Variants in RHOH observed in about 807,000 individuals in gnomAD.
The protein encoded by RHOH is ras homolog family member H.
In RHOH, 6 loss-of-function variants were observed where a neutral mutation model predicts 13.8. The observed-to-expected ratio is 0.44, with a 90% CI of 0.24 to 0.86. The LOEUF is 0.86. Ranked by LOEUF, RHOH falls within the 40% of genes least tolerant of loss-of-function variation. The pLI is 0.24. For missense variants in RHOH, 147 were observed against 244.5 expected (o/e 0.60, Z 2.66); for synonymous variants, 117 against 103.0 (o/e 1.14, Z -0.82).
intron 1 of RHOH, among the ~76,000 whole-genome samples, chr4:40,211,547 G>A (rs1356026056): frequency 6.6e-6 from 1 of 152,080 alleles, no homozygotes; most frequent in Non-Finnish European, 1.5e-5. Context: ...GTGTAATGTT[G>A]ATTATTTTTA....
At chr4:40,194,980 T>C (rs6824632), upstream of RHOH, among the ~76,000 whole-genome samples, 8,280 of 152,196 alleles carry the variant, frequency 0.054, 254 homozygotes, top group Middle Eastern at 0.085. Flanking sequence ...CAGGAAGACC[T>C]CATGATTCTG....
intron 1 of RHOH, among the ~76,000 whole-genome samples, chr4:40,205,049 G>A (rs1048563036): frequency 6.6e-6 from 1 of 152,152 alleles, no homozygotes; most frequent in Non-Finnish European, 1.5e-5. Flanking sequence ...GATCATCTGA[G>A]GTCAGGAGTT....
chr4:40,219,137 C>T (rs983171781), intron 1 of RHOH, among the ~76,000 whole-genome samples: 6 of 151,902 alleles, frequency 3.9e-5, no homozygotes, highest in African/African-American at 7.3e-5. Context: ...TGTGGCTGGG[C>T]GCGGTGGCTC....
rs1470650870 is a variant in RHOH, at chr4:40,244,993, T to A, written c.*1031T>A. 6.5e-6 allele frequency: 1 copy of A among 153,308 alleles called. No individual in the cohort carries two copies. Among genetic ancestry groups the A allele is most frequent in the African/African-American group, 2.4e-5 (1 of 41,422 alleles). The allele number at this position is 153,308 out of a possible 1,614,324, so 9.5% of individuals were successfully genotyped here. A position where few individuals can be genotyped will look rare whatever the true frequency, so the allele number is the denominator to read the frequency against. ...GGGGATATCTACATATATATGTGTA[T>A]GTAAGGGAAAAAAGGTAGAATTTAC... On this transcript the variant is annotated 3_prime_UTR_variant, in exon 3 of 3. Transcript: ENST00000381799.
In RHOH at chr4:40,218,484, C is replaced by T. The variant is rs956274593; in HGVS notation, c.-331+21184C>T. Among the ~76,000 whole-genome samples the T allele has an allele frequency of 4.6e-5, 7 of 152,092 alleles. No individual in the cohort carries two copies. Among genetic ancestry groups the T allele is most frequent in the East Asian group, 1.9e-4 (1 of 5,192 alleles). On this transcript the variant is annotated intron_variant, in intron 1 of 2. Coordinates refer to ENST00000381799, the MANE Select transcript of RHOH (RefSeq NM_004310.5). This position sits in a 1 kb window ranked among gnomAD's most constrained non-coding sequence, Gnocchi z 4.1. ...CCCTGTGCTTAGCTCGGCTAATGAG[C>T]CCAGGCTGAGGGCTTTTTTGCAGGC...
intron 1 of RHOH, among the ~76,000 whole-genome samples, chr4:40,213,359 T>C (rs1725493374): frequency 9.0e-6 from 1 of 110,882 alleles, no homozygotes; most frequent in South Asian, 2.8e-4. Flanking sequence ...CTCTCGTTTC[T>C]CTTTTTTTTT....
chr4:40,210,258 T>TA (rs1251344971), intron 1 of RHOH, among the ~76,000 whole-genome samples: 1 of 152,194 alleles, frequency 6.6e-6, no homozygotes, highest in East Asian at 1.9e-4. Flanking sequence ...ATACAATACC[T>TA]ACCAACGGGG....
chr4:40,225,590 G>A (rs77362266), intron 1 of RHOH, among the ~76,000 whole-genome samples: 3,930 of 152,260 alleles, frequency 0.026, 88 homozygotes, highest in Middle Eastern at 0.048. Context: ...GTTCAAGTGC[G>A]CTCTGCAAAG....
chr4:40,207,476 A>T (rs1724781966), intron 1 of RHOH, among the ~76,000 whole-genome samples: 1 of 152,140 alleles, frequency 6.6e-6, no homozygotes, highest in Non-Finnish European at 1.5e-5. Flanking sequence ...AAACACATGG[A>T]TGGTTTTCAG....
At chr4:40,225,776 T>C (rs1727151544) in intron 1 of RHOH, among the ~76,000 whole-genome samples, 1 of 152,184 alleles carries the variant, frequency 6.6e-6, no homozygotes, top group Admixed American at 6.5e-5. Flanking sequence ...CTCAGTTTCA[T>C]CAAGGTTTGA....
At chr4:40,225,395 T>C (rs1364031756) in intron 1 of RHOH, among the ~76,000 whole-genome samples, 1 of 152,166 alleles carries the variant, frequency 6.6e-6, no homozygotes, top group Non-Finnish European at 1.5e-5. Flanking sequence ...CTGAATGATT[T>C]TTTTAAAGTT....
chr4:40,246,143 G>T lies in RHOH; in HGVS notation c.*2181G>T. On this transcript the variant is annotated 3_prime_UTR_variant, in exon 3 of 3. Coordinates refer to ENST00000381799, the MANE Select transcript of RHOH (RefSeq NM_004310.5). Reference sequence around the variant, plus strand: ...TTCTCTTCTTCTCCCTCAACCCACAGAGTCTTAAATCACGGATGCGGGTGT... The same window carrying T: ...TTCTCTTCTTCTCCCTCAACCCACATAGTCTTAAATCACGGATGCGGGTGT... 1 of 152,374 alleles carries T rather than the reference G, an allele frequency of 6.6e-6. No homozygotes were observed. 9.4% of individuals were successfully genotyped at this position (152,374 alleles called of 1,614,324 possible).
At chr4:40,231,943 A>G (rs1727995527) in intron 1 of RHOH, among the ~76,000 whole-genome samples, 1 of 152,196 alleles carries the variant, frequency 6.6e-6, no homozygotes, top group Admixed American at 6.5e-5. Context: ...TTCTCTGTGC[A>G]TCTCAAGCTC....
chr4:40,229,931 A>G (rs1199984983), intron 1 of RHOH, among the ~76,000 whole-genome samples: 1 of 152,246 alleles, frequency 6.6e-6, no homozygotes, highest in African/African-American at 2.4e-5. Context: ...ATTGATTGAT[A>G]AATAAGGACC....
In RHOH at chr4:40,243,511, G is replaced by A; in HGVS notation, c.125G>A (p.Gly42Glu). 1 of 1,613,966 alleles carries A rather than the reference G, an allele frequency of 6.2e-7. No individual in the cohort carries two copies. Among genetic ancestry groups the A allele is most frequent in the Non-Finnish European group, 8.5e-7 (1 of 1,179,996 alleles). ...AAGCCCACAGTGTACGAGAACACAG[G>A]GGTGGACGTCTTCATGGATGGCATC... ...AYKPTVYENT[G>E]VDVFMDGIQI... The change falls in exon 3 of 3, where the codon GGG (glycine) becomes GAG (glutamate). Residue 42 changes from glycine to glutamate, a missense_variant. Gly to Glu is a moderately conservative substitution (Grantham distance 98). Coordinates refer to ENST00000381799, the MANE Select transcript of RHOH (RefSeq NM_004310.5). This position sits in a 1 kb window ranked among gnomAD's most constrained non-coding sequence, Gnocchi z 6.2.
At position 40,243,752 on chromosome 4, in the gene RHOH, G is replaced by A. The variant is rs1393525344; in HGVS notation, c.366G>A (p.Glu122=). The stretch of plus-strand genomic sequence containing the variant: ...TGGCCACCCAGACTGACCAGCGGGA[G>A]ATGGGGCCCCACAGGGCCTCCTGCG... ...LVVATQTDQR[E]MGPHRASCVN... The change falls in exon 3 of 3, where the codon GAG becomes GAA. Residue 122 remains glutamate, a synonymous_variant. Coordinates refer to ENST00000381799, the MANE Select transcript of RHOH (RefSeq NM_004310.5). The surrounding 1 kb of genome is among the most constrained non-coding windows in gnomAD (Gnocchi z 6.2). 1.2e-6 allele frequency: 2 copies of A among 1,614,086 alleles called. No individual in the cohort carries two copies. The highest frequency in any genetic ancestry group is 1.7e-6 in the Non-Finnish European group (2 of 1,180,020).
intron 1 of RHOH, among the ~76,000 whole-genome samples, chr4:40,221,938 A>G (rs546954337): frequency 2.6e-5 from 4 of 152,346 alleles, no homozygotes; most frequent in African/African-American, 9.6e-5. Context: ...ATGAATGATA[A>G]GGAAGTGAAA....
At chr4:40,235,963 C>CA (rs112165196) in intron 1 of RHOH, among the ~76,000 whole-genome samples, 35,657 of 141,028 alleles carry the variant, frequency 0.25, 6,026 homozygotes, top group African/African-American at 0.5. Context: ...GCCTGGCACA[C>CA]AGAGTAAGAG....
chr4:40,217,452 G>A (rs1295138240), intron 1 of RHOH, among the ~76,000 whole-genome samples: 1 of 152,150 alleles, frequency 6.6e-6, no homozygotes, highest in Non-Finnish European at 1.5e-5. Context: ...CAAAAAATTT[G>A]TAATTGCACC....
Sources: allele counts gnomAD v4.1 joint callset (sites outside exome capture counted in the v4.1 genomes callset), GRCh38; gene constraint gnomAD v4.1.1; non-coding constraint Gnocchi (gnomAD v3.1); transcripts MANE v1.5; gene names NCBI Gene and HGNC (gene_info 2026-07-23, HGNC 2026-07-21).